Variants in CHUK observed in about 807,000 individuals in gnomAD.
CHUK encodes the protein inhibitor of nuclear factor kappa-B kinase subunit alpha.
CHUK carries 35 observed loss-of-function variants against 104.8 expected under a neutral mutation model. The observed-to-expected ratio is 0.33, with a 90% CI of 0.26 to 0.44. The LOEUF is 0.44. Among genes scored for constraint, CHUK ranks in the 20% least tolerant of loss-of-function variants. The pLI is 1.00. For synonymous variants in CHUK, 276 were observed against 291.9 expected, an observed-to-expected ratio of 0.95 and a Z score of 0.56; for missense variants, 663 against 902.7, an observed-to-expected ratio of 0.73 and a Z score of 3.40.
rs559274175 is a variant in CHUK, at chr10:100,200,734, G to C, written c.1616C>G (p.Ala539Gly). ...GCTCTTCTGTAGCTCCATGATTTCA[G>C]CATGCAAAGACATAATCTGATCCTC... ...YLEDQIMSLH[A>G]EIMELQKSPY... The change falls in exon 15 of 21, where the codon GCT (alanine) becomes GGT (glycine). Residue 539 changes from alanine (A) to glycine (G), a missense_variant. Transcript: ENST00000370397. 2 of 1,608,464 alleles carry C rather than the reference G, an allele frequency of 1.2e-6. No individual in the cohort carries two copies. The highest frequency in any genetic ancestry group is 4.5e-5 in the East Asian group (2 of 44,830).
downstream of CHUK, chr10:100,187,004 C>G (rs1352416367): frequency 6.6e-6 from 1 of 152,174 alleles, no homozygotes; most frequent in Admixed American, 6.5e-5. Flanking sequence ...ATAGGGTTCG[C>G]GTGCCTATGA....
At position 100,197,241 on chromosome 10, in the gene CHUK, G is replaced by T. The variant is rs74700937; in HGVS notation, c.1730-2720C>A. 5.0e-3 allele frequency among the ~76,000 whole-genome samples: 756 copies of T among 152,296 alleles called. 18 individuals carry two copies. In the East Asian group the frequency reaches 0.059, roughly 12 times the overall value. On this transcript the variant is annotated intron_variant, in intron 16 of 20. Coordinates refer to ENST00000370397, the MANE Select transcript of CHUK (RefSeq NM_001278.5). ...ATAGAAAATACATAGTAAAAATACA[G>T]TAGTATAATCTTATGGGACTACCAT...
chr10:100,194,404 G>A (rs371397967), intron 17 of CHUK, 21 bp downstream of exon 17: 6 of 1,535,412 alleles, frequency 3.9e-6, no homozygotes, highest in Non-Finnish European at 5.4e-6. Context: ...TTTTCAGTAG[G>A]AAATGAAGCA....
chr10:100,190,023 T>C, intron 20 of CHUK: 1 of 139,014 alleles, frequency 7.2e-6, no homozygotes, highest in South Asian at 2.0e-4. Flanking sequence ...CATTATCCTT[T>C]TTTTTTTTTT....
At chr10:100,224,372 T>C (rs1446588994) in intron 2 of CHUK, among the ~76,000 whole-genome samples, 1 of 152,176 alleles carries the variant, frequency 6.6e-6, no homozygotes, top group East Asian at 1.9e-4. Flanking sequence ...CCCAAATTCC[T>C]AAGTCACAGA....
At chr10:100,192,275 G>A (rs746223648) in intron 19 of CHUK, among the ~76,000 whole-genome samples, 18 of 151,980 alleles carry the variant, frequency 1.2e-4, no homozygotes, top group Non-Finnish European at 2.1e-4. Flanking sequence ...CTTTAATAAA[G>A]GCAAAAAAGT....
At position 100,193,370 on chromosome 10, in the gene CHUK, G is replaced by A. The variant is rs371315330; in HGVS notation, c.2036C>T (p.Thr679Ile). 14 of 1,613,998 alleles carry A rather than the reference G, an allele frequency of 8.7e-6. No individual in the cohort carries two copies. The African/African-American group carries it at 1.7e-4, about 20-fold the overall frequency. The part of the protein sequence containing the change: ...SSLEGAVTPQ[T>I]SAWLPPTSAE... ...TGAAGTCGGGGGCAGCCATGCTGAT[G>A]TCTGAGGGGTTACTGCACCTTCTAG... Residue 679 changes from threonine (T) to isoleucine (I), a missense_variant, in exon 19 of 21, where the codon ACA becomes ATA. Transcript: ENST00000370397.
At chr10:100,191,963 C>A (rs1564828158) in intron 19 of CHUK, among the ~76,000 whole-genome samples, 1 of 152,058 alleles carries the variant, frequency 6.6e-6, no homozygotes, top group Non-Finnish European at 1.5e-5. Context: ...TACTAAAATA[C>A]AAAAATTAGC....
At chr10:100,213,012 A>T (rs1200520515) in intron 9 of CHUK, among the ~76,000 whole-genome samples, 1 of 151,788 alleles carries the variant, frequency 6.6e-6, no homozygotes, top group Admixed American at 6.6e-5. Context: ...AAAAAAAAAA[A>T]AAAGAAAGAA....
At chr10:100,226,459 A>G (rs1846107978) in intron 1 of CHUK, among the ~76,000 whole-genome samples, 1 of 152,196 alleles carries the variant, frequency 6.6e-6, no homozygotes, top group Non-Finnish European at 1.5e-5. Flanking sequence ...ACCAAGCCTA[A>G]AGCAAAAAAC....
At chr10:100,201,424 A>G (rs762287064) in intron 14 of CHUK, among the ~76,000 whole-genome samples, 2 of 152,238 alleles carry the variant, frequency 1.3e-5, no homozygotes, top group Non-Finnish European at 2.9e-5. Context: ...GACATTAAGT[A>G]TAAACTGGGA....
At chr10:100,192,751 A>G in intron 19 of CHUK, 1 of 987,516 alleles carries the variant, frequency 1.0e-6, no homozygotes, top group Non-Finnish European at 1.2e-6. Flanking sequence ...GTAGGAATTA[A>G]TAAAATATAG....
intron 19 of CHUK, 101 bp downstream of exon 19, chr10:100,193,197 C>A (rs1845243506): frequency 2.3e-6 from 3 of 1,318,024 alleles, no homozygotes; most frequent in Non-Finnish European, 3.3e-6. Flanking sequence ...CAGGACTCAA[C>A]CCTGGTCTGA....
intron 3 of CHUK, among the ~76,000 whole-genome samples, chr10:100,222,579 TA>T (rs1357909587): frequency 1.3e-5 from 2 of 152,212 alleles, no homozygotes; most frequent in African/African-American, 4.8e-5. Flanking sequence ...ATGCATTTTC[TA>T]AATCAGGAGT....
intron 10 of CHUK, among the ~76,000 whole-genome samples, chr10:100,208,624 A>G (rs1338186769): frequency 6.6e-6 from 1 of 152,174 alleles, no homozygotes; most frequent in Non-Finnish European, 1.5e-5. Context: ...TCTCTACTAA[A>G]GATACAAAAA....
intron 12 of CHUK, 64 bp from the exon 13 acceptor site, chr10:100,204,721 A>C (rs1031964930): frequency 2.3e-6 from 3 of 1,299,240 alleles, no homozygotes; most frequent in African/African-American, 2.9e-5. Context: ...GAAACATTGA[A>C]CAATAATGTA....
At chr10:100,211,242 C>T (rs1034397761) in intron 9 of CHUK, among the ~76,000 whole-genome samples, 2 of 150,430 alleles carry the variant, frequency 1.3e-5, no homozygotes, top group Non-Finnish European at 2.9e-5. Context: ...CTATCATAAC[C>T]CCCTCTCCTG....
chr10:100,224,858 C>CT (rs1288785508), intron 2 of CHUK, among the ~76,000 whole-genome samples: 1 of 150,428 alleles, frequency 6.6e-6, no homozygotes, highest in Non-Finnish European at 1.5e-5. Context: ...AGATGCTTTC[C>CT]TTTTTTTTCA....
At chr10:100,204,218 T>A (rs566061632) in intron 13 of CHUK, among the ~76,000 whole-genome samples, 18 of 152,344 alleles carry the variant, frequency 1.2e-4, no homozygotes, top group African/African-American at 4.3e-4. Context: ...AGTCCAGATT[T>A]TGTATTTATT....
Sources: allele counts gnomAD v4.1 joint callset (sites outside exome capture counted in the v4.1 genomes callset), GRCh38; gene constraint gnomAD v4.1.1; transcripts MANE v1.5; gene names NCBI Gene and HGNC (gene_info 2026-07-23, HGNC 2026-07-21).